Variants in CSMD1 observed in about 807,000 individuals in gnomAD.
CSMD1 encodes the protein CUB and sushi domain-containing protein 1.
Under a neutral mutation model 417.5 loss-of-function variants are expected in CSMD1, and 213 were observed. That is an observed-to-expected ratio of 0.51 (90% confidence interval 0.46 to 0.57). The LOEUF is 0.57. Among genes scored for constraint, CSMD1 ranks in the 20% least tolerant of loss-of-function variants. The pLI, the probability that CSMD1 is intolerant of heterozygous loss-of-function variation, is 0.00. For synonymous variants in CSMD1, 2,862 were observed against 1,736.8 expected, an observed-to-expected ratio of 1.65 and a Z score of -16.11; for missense variants, 6,923 against 4,529.7, an observed-to-expected ratio of 1.53 and a Z score of -15.17.
intron 5 of CSMD1, among the ~76,000 whole-genome samples, chr8:3,885,812 T>C (rs905025798): frequency 2.0e-5 from 3 of 152,174 alleles, no homozygotes; most frequent in Admixed American, 6.5e-5. Flanking sequence ...CAATCAGTTC[T>C]AGAATAAAAA....
At chr8:3,594,410 T>C (rs1320975243) in intron 8 of CSMD1, among the ~76,000 whole-genome samples, 1 of 151,708 alleles carries the variant, frequency 6.6e-6, no homozygotes, top group African/African-American at 2.4e-5. Flanking sequence ...GCATAGAATG[T>C]ATTTTTTTTT....
At chr8:4,029,142 G>A (rs534149737) in intron 4 of CSMD1, among the ~76,000 whole-genome samples, 21 of 152,240 alleles carry the variant, frequency 1.4e-4, no homozygotes, top group African/African-American at 2.2e-4. Context: ...ATAAAAAGGA[G>A]GCAACAGGGC....
chr8:4,160,908 G>C (rs1584933817), intron 3 of CSMD1, among the ~76,000 whole-genome samples: 1 of 152,152 alleles, frequency 6.6e-6, no homozygotes, highest in Admixed American at 6.5e-5. Flanking sequence ...TGCTGAACAA[G>C]TGGTTTAATA....
chr8:4,772,112 G>A (rs56134785), intron 1 of CSMD1, among the ~76,000 whole-genome samples: 2,327 of 152,228 alleles, frequency 0.015, 36 homozygotes, highest in Non-Finnish European at 0.025. Context: ...AGGCTTCCAG[G>A]GTCATTTGGG....
At chr8:3,619,456 C>G (rs1194849995) in intron 7 of CSMD1, among the ~76,000 whole-genome samples, 4 of 152,004 alleles carry the variant, frequency 2.6e-5, no homozygotes, top group Non-Finnish European at 4.4e-5. Flanking sequence ...AAATAAATCT[C>G]TAGATACAGT....
intron 3 of CSMD1, among the ~76,000 whole-genome samples, chr8:4,052,670 A>G (rs1798493450): frequency 6.6e-6 from 1 of 152,186 alleles, no homozygotes; most frequent in Non-Finnish European, 1.5e-5. Context: ...AGAAGGAATC[A>G]TCCCATAATA....
intron 3 of CSMD1, among the ~76,000 whole-genome samples, chr8:4,258,240 C>G (rs1439027159): frequency 6.8e-6 from 1 of 147,154 alleles, no homozygotes; most frequent in East Asian, 2.1e-4. Context: ...CCAGCACACC[C>G]TACCCCTTCC....
At chr8:3,626,457 A>G (rs1307826576) in intron 7 of CSMD1, among the ~76,000 whole-genome samples, 1 of 152,196 alleles carries the variant, frequency 6.6e-6, no homozygotes, top group Non-Finnish European at 1.5e-5. Flanking sequence ...GTGGAAAGAA[A>G]TGGGAAAAAG....
chr8:4,212,192 A>G (rs1433057804), intron 3 of CSMD1, among the ~76,000 whole-genome samples: 3 of 149,606 alleles, frequency 2.0e-5, no homozygotes, highest in Admixed American at 6.7e-5. Context: ...ATATATATAT[A>G]TATTATTTTC....
At chr8:3,190,770 C>G in intron 33 of CSMD1, among the ~76,000 whole-genome samples, 1 of 152,058 alleles carries the variant, frequency 6.6e-6, no homozygotes, top group East Asian at 1.9e-4. Context: ...ATAAAGAAAA[C>G]GTGGAGTAGA....
At chr8:3,891,678 G>T (rs1408391392) in intron 5 of CSMD1, among the ~76,000 whole-genome samples, 1 of 115,490 alleles carries the variant, frequency 8.7e-6, no homozygotes, top group South Asian at 3.2e-4. Context: ...GCAAGACCTT[G>T]TCTCAAAACG....
chr8:4,932,183 A>C (rs1438475326), intron 1 of CSMD1, among the ~76,000 whole-genome samples: 2 of 152,194 alleles, frequency 1.3e-5, no homozygotes, highest in African/African-American at 2.4e-5. Context: ...CTTTGCTATA[A>C]TTAAAACTGT....
intron 10 of CSMD1, among the ~76,000 whole-genome samples, chr8:3,568,570 G>C (rs961978331): frequency 6.6e-6 from 1 of 152,080 alleles, no homozygotes; most frequent in African/African-American, 2.4e-5. Flanking sequence ...TGTCACCACA[G>C]AATGTATTTA....
At chr8:4,041,016 CCT>C (rs1563352858) in intron 3 of CSMD1, among the ~76,000 whole-genome samples, 10 of 78,644 alleles carry the variant, frequency 1.3e-4, no homozygotes, top group East Asian at 8.0e-4. Flanking sequence ...TTTTTTTTTT[CCT>C]TTTTTTTTTT....
intron 7 of CSMD1, among the ~76,000 whole-genome samples, chr8:3,708,020 T>A (rs1032990998): frequency 6.6e-6 from 1 of 152,170 alleles, no homozygotes; most frequent in East Asian, 1.9e-4. Context: ...GAATGGTCAA[T>A]AATATTTCAA....
intron 3 of CSMD1, among the ~76,000 whole-genome samples, chr8:4,059,615 C>T (rs1211123340): frequency 6.6e-6 from 1 of 151,932 alleles, no homozygotes. Flanking sequence ...GGGGATATCA[C>T]CACCGATCCC....
chr8:4,026,935 CAAACA>C (rs1797093458), intron 4 of CSMD1, among the ~76,000 whole-genome samples: 1 of 152,222 alleles, frequency 6.6e-6, no homozygotes, highest in East Asian at 1.9e-4. Flanking sequence ...AACAAACAAA[CAAACA>C]AACAAACTGA....
chr8:4,867,685 AGAATCCCTTGATTT>A (rs1802497672), intron 1 of CSMD1, among the ~76,000 whole-genome samples: 3 of 152,128 alleles, frequency 2.0e-5, no homozygotes. Flanking sequence ...TTATATGTTT[AGAATCCCTTGATTT>A]GTGTGTGTGT....
At chr8:3,619,397 A>C (rs1802307622) in intron 7 of CSMD1, among the ~76,000 whole-genome samples, 1 of 152,048 alleles carries the variant, frequency 6.6e-6, no homozygotes, top group African/African-American at 2.4e-5. Flanking sequence ...TTTAACAAAA[A>C]CCACAAGGCA....
Sources: gnomAD v4.1 joint callset for allele counts (sites outside exome capture counted in the v4.1 genomes callset) on GRCh38, gnomAD v4.1.1 for gene constraint, MANE v1.5 for transcripts, NCBI Gene and HGNC (gene_info 2026-07-23, HGNC 2026-07-21) for gene names.